Variants in LRRC28 observed in about 807,000 individuals in gnomAD.
LRRC28 encodes the protein leucine rich repeat containing 28.
Under a neutral mutation model 45.7 loss-of-function variants are expected in LRRC28, and 39 were observed. The observed-to-expected ratio is 0.85, with a 90% confidence interval of 0.66 to 1.12. The LOEUF (loss-of-function observed/expected upper bound fraction) is 1.12, where lower values mean the gene tolerates loss of function less well. Ranked by LOEUF, LRRC28 falls within the 50% of genes most tolerant of loss-of-function variation. The pLI, the probability that LRRC28 is intolerant of heterozygous loss-of-function variation, is 0.00. For missense variants in LRRC28, 435 were observed against 438.5 expected (o/e 0.99, Z 0.07); for synonymous variants, 206 against 178.8 (o/e 1.15, Z -1.22).
chr15:99,259,322 G>A (rs1329504251), intron 2 of LRRC28: 16 of 1,328,294 alleles, frequency 1.2e-5, no homozygotes, highest in Non-Finnish European at 1.7e-5. Context: ...TTACCTCACA[G>A]AACCTGTGGT....
chr15:99,337,435 C>G (rs1248752764), intron 6 of LRRC28, among the ~76,000 whole-genome samples: 1 of 152,228 alleles, frequency 6.6e-6, no homozygotes, highest in East Asian at 1.9e-4. Context: ...GCTCTTCTGC[C>G]TTGGCACTCT....
intron 2 of LRRC28, among the ~76,000 whole-genome samples, chr15:99,262,584 A>G (rs1331329422): frequency 6.6e-6 from 1 of 152,192 alleles, no homozygotes; most frequent in African/African-American, 2.4e-5. Context: ...TCGGTCTCAA[A>G]AAAAATTTTT....
At chr15:99,284,718 A>G in intron 3 of LRRC28, 1 of 518,142 alleles carries the variant, frequency 1.9e-6, no homozygotes, top group East Asian at 5.2e-5. Flanking sequence ...CCACCCCCAT[A>G]GGAGCCAGAG....
At chr15:99,362,030 C>A (rs1957218916) in intron 8 of LRRC28, among the ~76,000 whole-genome samples, 1 of 152,190 alleles carries the variant, frequency 6.6e-6, no homozygotes, top group Non-Finnish European at 1.5e-5. Flanking sequence ...GTTGGCAGTA[C>A]TGTCGCAGCG....
intron 5 of LRRC28, among the ~76,000 whole-genome samples, chr15:99,325,128 A>G (rs994645781): frequency 6.6e-6 from 1 of 152,202 alleles, no homozygotes; most frequent in African/African-American, 2.4e-5. Flanking sequence ...TGCAGTTTGT[A>G]GCATATAAGT....
At chr15:99,302,198 T>C (rs888514567) in intron 5 of LRRC28, among the ~76,000 whole-genome samples, 2 of 151,414 alleles carry the variant, frequency 1.3e-5, no homozygotes, top group African/African-American at 4.9e-5. Context: ...GGCTAATTTT[T>C]TTGTATTTTT....
At chr15:99,368,305 C>G (rs1447093264) in intron 9 of LRRC28, among the ~76,000 whole-genome samples, 3 of 152,098 alleles carry the variant, frequency 2.0e-5, no homozygotes, top group African/African-American at 4.8e-5. Context: ...TTATCTGCTT[C>G]TAGCATGTAA....
chr15:99,268,515 C>A (rs1195508312), intron 2 of LRRC28, among the ~76,000 whole-genome samples: 1 of 152,122 alleles, frequency 6.6e-6, no homozygotes, highest in Non-Finnish European at 1.5e-5. Flanking sequence ...AGTTTAAATT[C>A]ATTTTTCAGG....
chr15:99,349,473 T>C (rs1956802598), intron 6 of LRRC28, among the ~76,000 whole-genome samples: 1 of 152,190 alleles, frequency 6.6e-6, no homozygotes, highest in South Asian at 2.1e-4. Context: ...AATGAAACCA[T>C]GTAAACACTA....
At chr15:99,263,821 C>T (rs1364851271) in intron 2 of LRRC28, among the ~76,000 whole-genome samples, 1 of 152,154 alleles carries the variant, frequency 6.6e-6, no homozygotes, top group African/African-American at 2.4e-5. Flanking sequence ...GTACCCATCA[C>T]TCTTCAAGAC....
chr15:99,310,529 G>C (rs1955366142), intron 5 of LRRC28, among the ~76,000 whole-genome samples: 1 of 152,204 alleles, frequency 6.6e-6, no homozygotes, highest in Non-Finnish European at 1.5e-5. Flanking sequence ...TACCCAGTGT[G>C]ATGAAATTGG....
At chr15:99,328,670 T>A (rs1956062137) in intron 5 of LRRC28, among the ~76,000 whole-genome samples, 1 of 149,068 alleles carries the variant, frequency 6.7e-6, no homozygotes, top group Non-Finnish European at 1.5e-5. Flanking sequence ...AGGGAAAATC[T>A]GCCCTCATTA....
At chr15:99,370,137 G>A (rs1326852629) in intron 9 of LRRC28, among the ~76,000 whole-genome samples, 1 of 152,222 alleles carries the variant, frequency 6.6e-6, no homozygotes. Flanking sequence ...GGGCCAAGGT[G>A]TCATAGCAGA....
chr15:99,353,688 A>G (rs1956958194), intron 7 of LRRC28: 1 of 152,220 alleles, frequency 6.6e-6, no homozygotes, highest in African/African-American at 2.4e-5. Context: ...TGCAATCACC[A>G]TGGTACATAG....
chr15:99,337,817 G>T (rs1182900050), intron 6 of LRRC28: 1 of 152,412 alleles, frequency 6.6e-6, no homozygotes, highest in African/African-American at 2.4e-5. Context: ...TTACAGCCCT[G>T]GCAGAACATG....
intron 5 of LRRC28, among the ~76,000 whole-genome samples, chr15:99,316,875 C>G (rs1955614100): frequency 6.6e-6 from 1 of 152,074 alleles, no homozygotes; most frequent in African/African-American, 2.4e-5. Context: ...TGCTCTGTTG[C>G]CCAGGCTGGA....
intron 2 of LRRC28, among the ~76,000 whole-genome samples, chr15:99,261,660 T>G (rs1252540896): frequency 5.9e-5 from 9 of 151,932 alleles, no homozygotes; most frequent in Non-Finnish European, 8.8e-5. Flanking sequence ...TAATTTTAAT[T>G]TTAATTTTTT....
intron 9 of LRRC28, among the ~76,000 whole-genome samples, chr15:99,379,581 A>G (rs1478998094): frequency 6.6e-6 from 1 of 152,110 alleles, no homozygotes; most frequent in Non-Finnish European, 1.5e-5. Context: ...GGCTTCTGCT[A>G]GCTTTTGAAT....
At chr15:99,311,697 C>G (rs1022379661) in intron 5 of LRRC28, among the ~76,000 whole-genome samples, 5 of 152,078 alleles carry the variant, frequency 3.3e-5, no homozygotes, top group Non-Finnish European at 7.4e-5. Context: ...CTCTAAAAAG[C>G]CAAGAATATG....
Sources: gnomAD v4.1 joint callset for allele counts (sites outside exome capture counted in the v4.1 genomes callset) on GRCh38, gnomAD v4.1.1 for gene constraint, MANE v1.5 for transcripts, NCBI Gene and HGNC (gene_info 2026-07-23, HGNC 2026-07-21) for gene names.